The following LRRC69 variants were observed in gnomAD, a reference collection of about 807,000 sequenced individuals.
LRRC69 encodes leucine-rich repeat-containing protein 69.
In LRRC69, 42 loss-of-function variants were observed where a neutral mutation model predicts 37.8. That is an observed-to-expected ratio of 1.11 (90% CI 0.87 to 1.44). The LOEUF is 1.44. Ranked by LOEUF, LRRC69 falls within the 40% of genes most tolerant of loss-of-function variation. The pLI is 0.00. For missense variants in LRRC69, 357 were observed against 401.9 expected (o/e 0.89, Z 0.96); for synonymous variants, 141 against 143.1 (o/e 0.99, Z 0.11).
At chr8:91,161,862 A>G (rs1459512626) in intron 5 of LRRC69, among the ~76,000 whole-genome samples, 4 of 151,146 alleles carry the variant, frequency 2.6e-5, no homozygotes, top group African/African-American at 9.7e-5. Flanking sequence ...GTTTATTTAA[A>G]ATCTTTCTAA....
rs1808690531 is a variant in LRRC69 at position 91,149,560 on chromosome 8, C to G, written c.651+13821C>G. On this transcript the variant is annotated intron_variant, in intron 5 of 7. Coordinates refer to ENST00000448384, the Ensembl canonical transcript of LRRC69. ...TTCTTTTGGTTTTGGATCGACTTGG[C>G]ACTGTGGGCTCTTTTTTGGTTCCAT... Among the ~76,000 whole-genome samples the G allele has an allele frequency of 2.0e-5, 3 of 151,880 alleles. No individual in the cohort carries two copies. In the South Asian group the frequency reaches 6.2e-4, roughly 32 times the overall value.
intron 7 of LRRC69, chr8:91,206,549 G>T: frequency 1.9e-6 from 1 of 537,140 alleles, no homozygotes; most frequent in Non-Finnish European, 2.9e-6. Context: ...CAGATTACTC[G>T]GAAACAGTTT....
At chr8:91,154,089 C>T (rs1808790396) in intron 5 of LRRC69, among the ~76,000 whole-genome samples, 1 of 151,802 alleles carries the variant, frequency 6.6e-6, no homozygotes, top group African/African-American at 2.4e-5. Flanking sequence ...ATAAATACCT[C>T]TTTGCAAATA....
At chr8:91,122,844 A>G (rs1474895293) in intron 1 of LRRC69, among the ~76,000 whole-genome samples, 1 of 152,114 alleles carries the variant, frequency 6.6e-6, no homozygotes, top group East Asian at 1.9e-4. Flanking sequence ...GCCCACACCT[A>G]ATCCCCCAAT....
chr8:91,155,012 A>T (rs551248050), intron 5 of LRRC69, among the ~76,000 whole-genome samples: 1 of 151,864 alleles, frequency 6.6e-6, no homozygotes, highest in African/African-American at 2.4e-5. Flanking sequence ...GCTGATAAGC[A>T]ACTTCAGCAA....
chr8:91,157,959 T>C, intron 5 of LRRC69: 1 of 1,424,154 alleles, frequency 7.0e-7, no homozygotes, highest in Non-Finnish European at 9.9e-7. Context: ...CGTATTCCAG[T>C]GGAGAGAAAA....
intron 5 of LRRC69, among the ~76,000 whole-genome samples, chr8:91,148,151 A>G (rs1808657017): frequency 6.6e-6 from 1 of 151,718 alleles, no homozygotes; most frequent in Non-Finnish European, 1.5e-5. Flanking sequence ...TTACATATGT[A>G]TACATGTGCC....
At chr8:91,115,584 T>C (rs932656385) in intron 1 of LRRC69, among the ~76,000 whole-genome samples, 1 of 152,028 alleles carries the variant, frequency 6.6e-6, no homozygotes, top group Non-Finnish European at 1.5e-5. Flanking sequence ...TTGTTCTCTA[T>C]GTACTAAAGT....
intron 6 of LRRC69, among the ~76,000 whole-genome samples, chr8:91,195,149 C>T (rs1284717072): frequency 7.9e-5 from 12 of 152,162 alleles, no homozygotes; most frequent in East Asian, 1.9e-4. Flanking sequence ...TGTAGTTGAG[C>T]GGTTTTGAGT....
At chr8:91,170,881 A>C (rs1463947716) in intron 5 of LRRC69, among the ~76,000 whole-genome samples, 1 of 135,584 alleles carries the variant, frequency 7.4e-6, no homozygotes, top group African/African-American at 2.8e-5. Flanking sequence ...CAATGGCAAC[A>C]AAAGCCAAAA....
At chr8:91,195,845 T>C (rs1809588277) in intron 6 of LRRC69, among the ~76,000 whole-genome samples, 1 of 151,280 alleles carries the variant, frequency 6.6e-6, no homozygotes, top group African/African-American at 2.4e-5. Context: ...TCCATTTACA[T>C]TTAAAGTTAA....
intron 2 of LRRC69, 89 bp downstream of exon 2, chr8:91,124,708 C>T: frequency 8.6e-7 from 1 of 1,158,332 alleles, no homozygotes; most frequent in Non-Finnish European, 1.2e-6. Flanking sequence ...AAGAATTTTG[C>T]ATGTTTAATC....
At chr8:91,162,117 A>T (rs1808955813) in intron 5 of LRRC69, among the ~76,000 whole-genome samples, 1 of 151,282 alleles carries the variant, frequency 6.6e-6, no homozygotes. Context: ...GATCTGAAAG[A>T]TACTTATGAT....
At chr8:91,111,023 T>G (rs1037774871) in intron 1 of LRRC69, among the ~76,000 whole-genome samples, 3 of 152,112 alleles carry the variant, frequency 2.0e-5, no homozygotes, top group Non-Finnish European at 4.4e-5. Context: ...GCAGGCATCA[T>G]TCAACTAATA....
In LRRC69 at chr8:91,203,915, C is replaced by T. The variant is rs550053274; in HGVS notation, c.933+3123C>T. On this transcript the variant is annotated intron_variant, in intron 7 of 7. Transcript: ENST00000448384. Reference sequence around the variant, plus strand: ...CGGGCAGATCACGAGGTCAGGAGATCGAGACCATCCTGGCTAACACAGTGA... The same window carrying T: ...CGGGCAGATCACGAGGTCAGGAGATTGAGACCATCCTGGCTAACACAGTGA... Among the ~76,000 whole-genome samples the T allele has an allele frequency of 6.8e-3, 1,026 of 150,166 alleles. 4 individuals carry two copies. The highest frequency in any genetic ancestry group is 0.012 in the Non-Finnish European group (808 of 67,716).
At position 91,172,081 on chromosome 8, in the gene LRRC69, A is replaced by G. The variant is rs144838671; in HGVS notation, c.652-17441A>G. ...TACATTTTATTGTAAACATTTCCCC[A>G]TGGTTTAGAGTATTTTCCTACATCA... On this transcript the variant is annotated intron_variant, in intron 5 of 7. Transcript: ENST00000448384. Among the ~76,000 whole-genome samples the G allele has an allele frequency of 5.3e-5, 8 of 152,032 alleles. No homozygotes were observed. The South Asian group carries it at 6.2e-4, about 12-fold the overall frequency.
chr8:91,132,762 A>T (rs1457616878), intron 3 of LRRC69, among the ~76,000 whole-genome samples: 1 of 151,958 alleles, frequency 6.6e-6, no homozygotes, highest in East Asian at 1.9e-4. Context: ...ATTGATCTAT[A>T]TACATAGGTA....
At chr8:91,204,421 G>C (rs1586286316) in intron 7 of LRRC69, among the ~76,000 whole-genome samples, 1 of 152,238 alleles carries the variant, frequency 6.6e-6, no homozygotes, top group South Asian at 2.1e-4. Flanking sequence ...ATCCACTGTG[G>C]AGCACTGGAA....
intron 5 of LRRC69, chr8:91,157,742 G>T (rs1361707204): frequency 1.2e-6 from 2 of 1,606,266 alleles, no homozygotes; most frequent in African/African-American, 1.3e-5. Flanking sequence ...GCAGTCTGAG[G>T]ATTCCACCTT....
Sources: allele counts gnomAD v4.1 joint callset (sites outside exome capture counted in the v4.1 genomes callset), GRCh38; gene constraint gnomAD v4.1.1; transcripts MANE v1.5; gene names NCBI Gene and HGNC (gene_info 2026-07-23, HGNC 2026-07-21).